RIMS2: variants seen among roughly 807,000 people sequenced by gnomAD.
RIMS2 encodes the protein regulating synaptic membrane exocytosis 2.
RIMS2 carries 59 observed loss-of-function variants against 174.4 expected under a neutral mutation model. The observed-to-expected ratio is 0.34, with a 90% CI of 0.27 to 0.42. The LOEUF is 0.42. Ranked by LOEUF, RIMS2 falls within the 10% of genes least tolerant of loss-of-function variation. RIMS2 has a pLI of 1.00. For synonymous variants in RIMS2, 606 were observed against 572.5 expected (o/e 1.06, Z -0.84); for missense variants, 1,620 against 1,666.3 (o/e 0.97, Z 0.48).
At chr8:104,131,607 G>A (rs989073584) in intron 19 of RIMS2, among the ~76,000 whole-genome samples, 4 of 152,164 alleles carry the variant, frequency 2.6e-5, no homozygotes, top group South Asian at 2.1e-4. Context: ...AAGATGGTAA[G>A]TGGTTGGAAG....
At chr8:103,814,305 G>A (rs1432083154) in intron 3 of RIMS2, among the ~76,000 whole-genome samples, 4 of 150,858 alleles carry the variant, frequency 2.7e-5, no homozygotes, top group East Asian at 1.9e-4. Context: ...AGTACTATGC[G>A]TGATATCTGG....
intron 3 of RIMS2, among the ~76,000 whole-genome samples, chr8:103,854,249 G>A (rs1349299651): frequency 2.0e-5 from 3 of 151,876 alleles, no homozygotes; most frequent in Admixed American, 1.3e-4. Context: ...ATCAGTTCTA[G>A]TAGACTTTTG....
chr8:103,952,768 G>T (rs544951045), intron 14 of RIMS2, among the ~76,000 whole-genome samples: 1 of 152,062 alleles, frequency 6.6e-6, no homozygotes, highest in South Asian at 2.1e-4. Context: ...TGAGTTTGAC[G>T]AATTGACAGA....
chr8:103,708,386 T>C (rs2097260049), intron 2 of RIMS2, among the ~76,000 whole-genome samples: 1 of 152,216 alleles, frequency 6.6e-6, no homozygotes, highest in African/African-American at 2.4e-5. Context: ...CTGTGCTCTC[T>C]AGGGTTGGGT....
In RIMS2 at chr8:104,112,849, G is replaced by A. The variant is rs1380195913; in HGVS notation, c.3334+98234G>A. ...GGATGAATGAGTCCCTATTTCAGTCGTTTTTAAAACTGCAGTTTTTCATTA... is the reference window on the plus strand; with the variant it reads ...GGATGAATGAGTCCCTATTTCAGTCATTTTTAAAACTGCAGTTTTTCATTA... On this transcript the variant is annotated intron_variant, in intron 19 of 23. Transcript: ENST00000504942. 3.3e-5 allele frequency among the ~76,000 whole-genome samples: 5 copies of A among 152,052 alleles called. No homozygotes were observed. The East Asian group carries it at 9.6e-4, about 29-fold the overall frequency.
At chr8:104,129,382 C>CA (rs2098456727) in intron 19 of RIMS2, among the ~76,000 whole-genome samples, 1 of 152,172 alleles carries the variant, frequency 6.6e-6, no homozygotes, top group African/African-American at 2.4e-5. Flanking sequence ...GACCCTGTCT[C>CA]AAAGAAATAA....
intron 1 of RIMS2, among the ~76,000 whole-genome samples, chr8:103,602,307 A>C (rs989761712): frequency 1.3e-5 from 2 of 152,090 alleles, no homozygotes; most frequent in African/African-American, 2.4e-5. Context: ...TAAAGTTATG[A>C]CTTTTATTTT....
chr8:104,092,301 A>G (rs887040948), intron 19 of RIMS2, among the ~76,000 whole-genome samples: 6 of 151,862 alleles, frequency 4.0e-5, no homozygotes, highest in Non-Finnish European at 8.9e-5. Context: ...GATAAAAAAT[A>G]ATCATCTTTC....
At chr8:104,134,138 ATGT>A (rs1461651688) in intron 19 of RIMS2, among the ~76,000 whole-genome samples, 1 of 152,180 alleles carries the variant, frequency 6.6e-6, no homozygotes, top group Non-Finnish European at 1.5e-5. Flanking sequence ...TAAAAAGTAA[ATGT>A]TATTTCTCAA....
intron 2 of RIMS2, among the ~76,000 whole-genome samples, chr8:103,749,768 T>A (rs1391465449): frequency 6.6e-6 from 1 of 152,094 alleles, no homozygotes; most frequent in Non-Finnish European, 1.5e-5. Flanking sequence ...GTAGTGGGAA[T>A]AAAGGGATCA....
At chr8:103,737,068 C>T (rs748298871) in intron 2 of RIMS2, among the ~76,000 whole-genome samples, 1 of 151,790 alleles carries the variant, frequency 6.6e-6, no homozygotes, top group African/African-American at 2.4e-5. Context: ...ATGTAATATG[C>T]ATCTCAAACT....
chr8:103,845,041 AT>A (rs1478072469), intron 3 of RIMS2, among the ~76,000 whole-genome samples: 2 of 152,014 alleles, frequency 1.3e-5, no homozygotes, highest in African/African-American at 4.8e-5. Flanking sequence ...TAGTTTCCAT[AT>A]TTCTGTCAAG....
Position 103,888,715 on chromosome 8 carries a change from T to C in RIMS2, c.1624+2492T>C, listed in dbSNP as rs78970414. On this transcript the variant is annotated intron_variant, in intron 4 of 23. Transcript: ENST00000504942. ...TAAAAGTCTCATATAAGTAAAAAGG[T>C]ATATATGAGTTAAATTAAAATCCTA... Among the ~76,000 whole-genome samples, 1,493 of 151,686 alleles carry C rather than the reference T, an allele frequency of 9.8e-3. 20 individuals are homozygous for C. The highest frequency in any genetic ancestry group is 0.046 in the East Asian group (239 of 5,148).
intron 17 of RIMS2, among the ~76,000 whole-genome samples, chr8:103,990,776 T>G (rs2094634715): frequency 6.6e-6 from 1 of 152,002 alleles, no homozygotes; most frequent in Admixed American, 6.6e-5. Flanking sequence ...GAGAGAAAAT[T>G]CTGAAATGAA....
At chr8:103,794,746 C>T (rs1187080650) in intron 3 of RIMS2, among the ~76,000 whole-genome samples, 2 of 151,996 alleles carry the variant, frequency 1.3e-5, no homozygotes, top group Non-Finnish European at 2.9e-5. Flanking sequence ...AGAAAAAAAT[C>T]AAACAACCCC....
At chr8:104,186,671 T>C (rs1586828999) in intron 19 of RIMS2, among the ~76,000 whole-genome samples, 1 of 151,882 alleles carries the variant, frequency 6.6e-6, no homozygotes, top group East Asian at 1.9e-4. Context: ...TATTAATGCC[T>C]TCCGCTAATT....
intron 2 of RIMS2, among the ~76,000 whole-genome samples, chr8:103,755,033 T>C (rs988073982): frequency 9.2e-5 from 14 of 152,316 alleles, no homozygotes; most frequent in Admixed American, 3.9e-4. Flanking sequence ...TCCATGGTCT[T>C]TACAATTTGG....
intron 17 of RIMS2, among the ~76,000 whole-genome samples, chr8:104,012,592 TG>T (rs1415049340): frequency 6.6e-6 from 1 of 152,098 alleles, no homozygotes; most frequent in East Asian, 1.9e-4. Context: ...CCAAAGCTAG[TG>T]TTTTTAAAGT....
At chr8:104,056,924 C>T (rs933748677) in intron 19 of RIMS2, among the ~76,000 whole-genome samples, 3 of 152,052 alleles carry the variant, frequency 2.0e-5, no homozygotes, top group Non-Finnish European at 2.9e-5. Flanking sequence ...CCTAAGTATC[C>T]TAAATATACC....
Sources: allele counts gnomAD v4.1 joint callset (sites outside exome capture counted in the v4.1 genomes callset), GRCh38; gene constraint gnomAD v4.1.1; transcripts MANE v1.5; gene names NCBI Gene and HGNC (gene_info 2026-07-23, HGNC 2026-07-21).